The following KCNH1 variants were observed in gnomAD, a reference collection of about 807,000 sequenced individuals.
KCNH1 encodes the protein voltage-gated delayed rectifier potassium channel KCNH1.
Under a neutral mutation model 69.2 loss-of-function variants are expected in KCNH1, and 27 were observed. The observed-to-expected ratio is 0.39, with a 90% confidence interval of 0.29 to 0.54. KCNH1 has a LOEUF of 0.54. Ranked by LOEUF, KCNH1 falls within the 20% of genes least tolerant of loss-of-function variation. KCNH1 has a pLI of 0.68. For missense variants in KCNH1, 798 were observed against 1,261.6 expected (o/e 0.63, Z 5.57); for synonymous variants, 456 against 487.7 (o/e 0.93, Z 0.86).
intron 10 of KCNH1, among the ~76,000 whole-genome samples, chr1:210,728,001 T>C (rs1682647081): frequency 6.6e-6 from 1 of 152,224 alleles, no homozygotes; most frequent in South Asian, 2.1e-4. Flanking sequence ...GTGTTCTCTA[T>C]GGTCAGCAGA....
chr1:210,829,087 T>C (rs1342545299), intron 7 of KCNH1, among the ~76,000 whole-genome samples: 1 of 152,132 alleles, frequency 6.6e-6, no homozygotes, highest in Non-Finnish European at 1.5e-5. Flanking sequence ...CCTGCATCTC[T>C]CCTGAGGGCA....
rs372120381 is a variant in KCNH1 at position 211,077,716 on chromosome 1, C to T, written c.558+5064G>A. On this transcript the variant is annotated intron_variant, in intron 5 of 10. Coordinates refer to ENST00000271751, the MANE Select transcript of KCNH1 (RefSeq NM_172362.3). ...CTGCATCAACTAACGGACAAAATAA[C>T]CAGCTAACATCATAATGACAGGATC... Among the ~76,000 whole-genome samples the T allele has an allele frequency of 4.0e-4, 61 of 152,266 alleles. 1 individual carries two copies. The South Asian group carries it at 0.012, about 31-fold the overall frequency.
At position 211,018,856 on chromosome 1, in the gene KCNH1, G is replaced by A; in HGVS notation, c.959C>T (p.Ala320Val). 1.2e-6 allele frequency: 2 copies of A among 1,613,990 alleles called. No individual in the cohort carries two copies. The highest frequency in any genetic ancestry group is 1.7e-6 in the Non-Finnish European group (2 of 1,179,948). Residue 320 changes from alanine (A) to valine (V), a missense_variant, in exon 6 of 11, where the codon GCC (alanine) becomes GTC (valine). Coordinates refer to ENST00000271751, the MANE Select transcript of KCNH1 (RefSeq NM_172362.3). ...NAFENVDEVS[A>V]FMGDPGKIGF... ...AATCTTCCCTGGATCACCCATAAAG[G>A]CACTAACCTCATCCACGTTCTCAAA...
chr1:210,725,754 C>T (rs1682574893), intron 10 of KCNH1, among the ~76,000 whole-genome samples: 2 of 152,172 alleles, frequency 1.3e-5, no homozygotes, highest in African/African-American at 4.8e-5. Flanking sequence ...GTCCCCCGTG[C>T]TGAGCCACTA....
intron 6 of KCNH1, among the ~76,000 whole-genome samples, chr1:210,938,321 T>C (rs1319532712): frequency 6.6e-6 from 1 of 152,202 alleles, no homozygotes; most frequent in African/African-American, 2.4e-5. Context: ...ATAATATCTC[T>C]AGAAACACAC....
intron 7 of KCNH1, chr1:210,862,117 C>A: frequency 8.3e-7 from 1 of 1,199,056 alleles, no homozygotes; most frequent in Non-Finnish European, 1.2e-6. Context: ...ATAGATAACA[C>A]CTGCCTGTCT....
chr1:210,732,023 C>T (rs573286622), intron 10 of KCNH1, among the ~76,000 whole-genome samples: 1 of 151,982 alleles, frequency 6.6e-6, no homozygotes, highest in Non-Finnish European at 1.5e-5. Flanking sequence ...GCATGCAGGC[C>T]CCTGAGCATC....
intron 6 of KCNH1, among the ~76,000 whole-genome samples, chr1:210,934,493 G>T (rs11803260): frequency 0.011 from 1,688 of 152,270 alleles, 36 homozygotes; most frequent in African/African-American, 0.038. Flanking sequence ...ACAAAAATTA[G>T]CTGGGCATGG....
chr1:210,971,855 T>C (rs2102367722), intron 6 of KCNH1, among the ~76,000 whole-genome samples: 1 of 152,282 alleles, frequency 6.6e-6, no homozygotes, highest in East Asian at 1.9e-4. Flanking sequence ...ATATACTTCA[T>C]ACTTAAAGAA....
intron 9 of KCNH1, among the ~76,000 whole-genome samples, chr1:210,785,361 G>A (rs944691923): frequency 6.6e-6 from 1 of 151,578 alleles, no homozygotes; most frequent in African/African-American, 2.4e-5. Context: ...AAACTTCTTG[G>A]TAGTCTTATT....
chr1:210,723,550 C>T (rs558800804), intron 10 of KCNH1, among the ~76,000 whole-genome samples: 2 of 152,258 alleles, frequency 1.3e-5, no homozygotes, highest in South Asian at 4.2e-4. Flanking sequence ...AGTTAGCAAC[C>T]CTGATGCCTT....
intron 1 of KCNH1, among the ~76,000 whole-genome samples, chr1:211,117,032 A>G (rs1691594930): frequency 6.6e-6 from 1 of 152,194 alleles, no homozygotes; most frequent in Admixed American, 6.5e-5. Flanking sequence ...TTCCAAGGGT[A>G]TTGAGAGGTC....
At chr1:211,077,834 C>A (rs758239681) in intron 5 of KCNH1, among the ~76,000 whole-genome samples, 9 of 151,956 alleles carry the variant, frequency 5.9e-5, no homozygotes, top group Admixed American at 5.2e-4. Flanking sequence ...AAGAGTCAAG[C>A]CCCATCAGTG....
rs577908486 is a variant in KCNH1 at position 210,691,760 on chromosome 1, C to T, written c.2113-7622G>A. On this transcript the variant is annotated intron_variant, in intron 10 of 10. Transcript: ENST00000271751. ...GAGGGAATGCCTCTCTAGATGCATT[C>T]GGCTGTGTGGTCTTTTAACTTGTCA... Among the ~76,000 whole-genome samples the T allele has an allele frequency of 1.2e-4, 18 of 152,322 alleles. No homozygotes were observed. The South Asian group carries it at 3.1e-3, about 26-fold the overall frequency.
At chr1:211,064,608 C>A (rs1251174617) in intron 5 of KCNH1, among the ~76,000 whole-genome samples, 1 of 151,842 alleles carries the variant, frequency 6.6e-6, no homozygotes, top group Non-Finnish European at 1.5e-5. Context: ...ACAGTATGAC[C>A]ACTTTTTTTT....
chr1:211,035,342 G>A (rs565737874), intron 5 of KCNH1, among the ~76,000 whole-genome samples: 1,419 of 136,874 alleles, frequency 0.01, 12 homozygotes, highest in Non-Finnish European at 0.013. Flanking sequence ...TCCGCCTCCC[G>A]GGTTCACGCC....
chr1:211,120,379 G>A lies in KCNH1; in HGVS notation c.80-13002C>T, dbSNP rs532763560. ...TAATTTTTATATTTTTAGTAGAGAC[G>A]GGATTTCACCATGTTGGCCAGGCTG... is the stretch of plus-strand genomic sequence containing the variant. On this transcript the variant is annotated intron_variant, in intron 1 of 10. Coordinates refer to ENST00000271751, the MANE Select transcript of KCNH1 (RefSeq NM_172362.3). Among the ~76,000 whole-genome samples, 110 of 151,844 alleles carry A rather than the reference G, an allele frequency of 7.2e-4. No homozygotes were observed. The Middle Eastern group carries it at 0.02, about 28-fold the overall frequency.
intron 5 of KCNH1, among the ~76,000 whole-genome samples, chr1:211,035,639 GT>G (rs1252407286): frequency 2.6e-5 from 4 of 152,128 alleles, no homozygotes; most frequent in Non-Finnish European, 5.9e-5. Flanking sequence ...GTAAGATCAA[GT>G]TTTTACCATC....
rs1683841712 is a variant in KCNH1 at position 210,775,437 on chromosome 1, C to A, written c.2023G>T (p.Asp675Tyr). The A allele has an allele frequency of 1.9e-6, 3 of 1,614,004 alleles. No homozygotes were observed. The Admixed American group carries it at 5.0e-5, about 27-fold the overall frequency. ...AATTCCAGCACTTTCTGCAGGGCAT[C>A]CCGCTTGATCACATGCAGATCACAG... ...TYCDLHVIKRDALQKVLEFYT... is the reference protein window; with the variant it reads ...TYCDLHVIKRYALQKVLEFYT... Residue 675 changes from aspartate to tyrosine, a missense_variant, in exon 10 of 11, where the codon GAT becomes TAT. Coordinates refer to ENST00000271751, the MANE Select transcript of KCNH1 (RefSeq NM_172362.3).
Sources: allele counts gnomAD v4.1 joint callset (sites outside exome capture counted in the v4.1 genomes callset), GRCh38; gene constraint gnomAD v4.1.1; transcripts MANE v1.5; gene names NCBI Gene and HGNC (gene_info 2026-07-23, HGNC 2026-07-21).